The following CTU2 variants were observed in gnomAD, a reference collection of about 807,000 sequenced individuals.
CTU2 encodes cytosolic thiouridylase subunit 2.
CTU2 carries 80 observed loss-of-function variants against 64.1 expected under a neutral mutation model. The ratio of observed to expected loss-of-function variants is 1.25; its 90% CI spans 1.04 to 1.50. The LOEUF (loss-of-function observed/expected upper bound fraction) is 1.50, where lower values mean the gene tolerates loss of function less well. Ranked by LOEUF, CTU2 falls within the 40% of genes most tolerant of loss-of-function variation. The pLI is 0.00. For missense variants in CTU2, 1,110 were observed against 690.2 expected, an observed-to-expected ratio of 1.61 and a Z score of -6.81; for synonymous variants, 482 against 285.3, an observed-to-expected ratio of 1.69 and a Z score of -6.95.
intron 11 of CTU2, 27 bp downstream of exon 11, chr16:88,714,513 T>G: frequency 1.2e-6 from 2 of 1,612,408 alleles, no homozygotes; most frequent in Non-Finnish European, 1.7e-6. Flanking sequence ...CTTGGGGTGA[T>G]GCGGGGAGGG....
intron 8 of CTU2, 23 bp from the exon 9 acceptor site, chr16:88,713,624 C>T (rs1260691611): frequency 1.2e-6 from 2 of 1,607,462 alleles, no homozygotes; most frequent in Non-Finnish European, 1.7e-6. Flanking sequence ...TGACCTGGAC[C>T]ACACAGCCCC....
chr16:88,706,570 G>C lies in CTU2; in HGVS notation c.40G>C (p.Glu14Gln). Residue 14 changes from glutamate (E) to glutamine (Q), a missense_variant, in exon 1 of 15, where the codon GAG becomes CAG. Glu to Gln is a conservative substitution (Grantham distance 29, BLOSUM62 2). Coordinates refer to ENST00000453996, the MANE Select transcript of CTU2 (RefSeq NM_001012759.3). ...CGAGGACTACGGGGAGCCGGCGCCT[G>C]AGGAGCCGCCCCCGGCGCCGCGGCC... ...VGEDYGEPAP[E>Q]EPPPAPRPSR... is the part of the protein sequence containing the mutation. The C allele has an allele frequency of 6.2e-6, 9 of 1,457,270 alleles. No individual in the cohort carries two copies. Among genetic ancestry groups the C allele is most frequent in the Non-Finnish European group, 8.1e-6 (9 of 1,111,678 alleles). The allele number at this position is 1,457,270 out of a possible 1,614,324, so 90.3% of individuals were successfully genotyped here.
chr16:88,713,585 G>A (rs1415330494), intron 8 of CTU2, 62 bp from the exon 9 acceptor site: 4 of 1,581,558 alleles, frequency 2.5e-6, no homozygotes, highest in South Asian at 1.1e-5. Context: ...CTACCTGGCA[G>A]GGGAGGAGGG....
chr16:88,715,025 C>T, intron 13 of CTU2, 23 bp from the exon 14 acceptor site: 1 of 1,579,170 alleles, frequency 6.3e-7, no homozygotes, highest in South Asian at 1.1e-5. Flanking sequence ...TTCTTGGCCC[C>T]TCGACACCGG....
Position 88,710,124 on chromosome 16 carries a change from G to C in CTU2, c.223-99G>C. The C allele has an allele frequency of 1.9e-6, 3 of 1,578,756 alleles. No individual in the cohort carries two copies. In the East Asian group the frequency reaches 6.7e-5, roughly 35 times the overall value. On this transcript the variant is annotated intron_variant, in intron 3 of 14. Transcript: ENST00000453996. ...TGCTGCAGCCCGCCAGCTCCTCCTTGGCCTTTGAGGACAGACTCGATGTCC... is the reference window on the plus strand; with the variant it reads ...TGCTGCAGCCCGCCAGCTCCTCCTTCGCCTTTGAGGACAGACTCGATGTCC...
Position 88,711,619 on chromosome 16 carries a change from C to T in CTU2, c.283-16C>T, listed in dbSNP as rs549328054. 21 of 1,587,506 alleles carry T rather than the reference C, an allele frequency of 1.3e-5. No individual in the cohort carries two copies. The South Asian group carries it at 2.3e-4, about 17-fold the overall frequency. ...CTTATGGCTGGGGGCTGAGTCCCTG[C>T]TGCTTCTCCCTCTAGGGCCTGAGCC... On this transcript the variant is annotated splice_polypyrimidine_tract_variant and intron_variant, in intron 4 of 14. Coordinates refer to ENST00000453996, the MANE Select transcript of CTU2 (RefSeq NM_001012759.3).
chr16:88,714,102 G>T, intron 9 of CTU2, 34 bp from the exon 10 acceptor site: 1 of 1,602,652 alleles, frequency 6.2e-7, no homozygotes, highest in Non-Finnish European at 8.5e-7. Flanking sequence ...TGGCCTCTGG[G>T]CTTTCCCATA....
chr16:88,710,465 A>AGT (rs1911227895), intron 4 of CTU2, 183 bp downstream of exon 4: 2 of 610,752 alleles, frequency 3.3e-6, no homozygotes, highest in African/African-American at 3.7e-5. Context: ...CTGAGTCCAC[A>AGT]GTGTGTGTGT....
At chr16:88,707,506 C>T (rs1249389740) in intron 2 of CTU2, among the ~76,000 whole-genome samples, 2 of 151,944 alleles carry the variant, frequency 1.3e-5, no homozygotes, top group African/African-American at 4.8e-5. Context: ...TGTAGGAGGA[C>T]CAGGCGTTTG....
chr16:88,711,520 G>T, intron 4 of CTU2, 115 bp from the exon 5 acceptor site: 5 of 1,087,076 alleles, frequency 4.6e-6, no homozygotes, highest in Non-Finnish European at 6.6e-6. Context: ...AATGGCAGGG[G>T]AAGACCACTT....
At chr16:88,712,450 G>C in intron 6 of CTU2, 67 bp downstream of exon 6, 1 of 1,459,638 alleles carries the variant, frequency 6.9e-7, no homozygotes, top group East Asian at 2.4e-5. Context: ...CCGTGTCCCA[G>C]CCTCACTGGC....
At position 88,707,201 on chromosome 16, in the gene CTU2, C is replaced by A. The variant is rs758733121; in HGVS notation, c.134C>A (p.Ala45Asp). ...GTTGTGGTGATACGAGCCGGAGATG[C>A]CTTCTGCAGGTGAGGCCTGGAGGTG... ...QPVVVIRAGDAFCRDCFKAFY... is the reference protein window; with the variant it reads ...QPVVVIRAGDDFCRDCFKAFY... The change falls in exon 2 of 15, where the codon GCC (alanine) becomes GAC (aspartate). Residue 45 changes from alanine (A) to aspartate (D), a missense_variant. Ala to Asp is a moderately radical substitution (Grantham distance 126). Transcript: ENST00000453996. 1.2e-6 allele frequency: 2 copies of A among 1,613,938 alleles called. No homozygotes were observed. Among genetic ancestry groups the A allele is most frequent in the South Asian group, 1.1e-5 (1 of 91,092 alleles).
chr16:88,712,666 G>C lies in CTU2; in HGVS notation c.498G>C (p.Glu166Asp). Residue 166 changes from glutamate (E) to aspartate (D), a missense_variant, in exon 7 of 15, where the codon GAG (glutamate) becomes GAC (aspartate). Transcript: ENST00000453996. ...PPSVLWCSAQ[E>D]LVGSEGAYKA... is the part of the protein sequence containing the mutation. ...CGGTGCTTTGGTGCTCTGCCCAGGA[G>C]CTGGTGGGATCCGAGGGGGCCTACA... 6.2e-7 allele frequency: 1 copy of C among 1,610,662 alleles called. No homozygotes were observed. Among genetic ancestry groups the C allele is most frequent in the Non-Finnish European group, 8.5e-7 (1 of 1,179,572 alleles).
chr16:88,707,164 G>T lies in CTU2; in HGVS notation c.97G>T (p.Glu33Ter). The change falls in exon 2 of 15, where the codon GAA becomes TAA. Residue 33 changes from glutamate (E) to a stop codon, truncating the protein, a stop_gained. Coordinates refer to ENST00000453996, the MANE Select transcript of CTU2 (RefSeq NM_001012759.3). LOFTEE classifies it high-confidence loss of function. ...TGAGCAGAAGTGTGTGAAGTGCAAG[G>T]AAGCGCAGCCCGTTGTGGTGATACG... Reference protein sequence around the residue: ...SREQKCVKCKEAQPVVVIRAG... With the variant: ...SREQKCVKCK 6.2e-7 allele frequency: 1 copy of T among 1,613,978 alleles called. No homozygotes were observed. Among genetic ancestry groups the T allele is most frequent in the Non-Finnish European group, 8.5e-7 (1 of 1,179,982 alleles).
chr16:88,706,939 C>T (rs1235171826), intron 1 of CTU2, 197 bp from the exon 2 acceptor site: 1 of 595,570 alleles, frequency 1.7e-6, no homozygotes, highest in Non-Finnish European at 3.0e-6. Context: ...GCCGGCTTTT[C>T]TAGGCTAAAC....
Position 88,713,560 on chromosome 16 carries a change from G to C in CTU2, c.874-87G>C, listed in dbSNP as rs1911555797. On this transcript the variant is annotated intron_variant, in intron 8 of 14. Coordinates refer to ENST00000453996, the MANE Select transcript of CTU2 (RefSeq NM_001012759.3). Reference sequence around the variant, plus strand: ...GTCCTGCGGCCTCGGATGGTGGTGGGGTCTGTGACCTCCCCTACCTGGCAG... The same window carrying C: ...GTCCTGCGGCCTCGGATGGTGGTGGCGTCTGTGACCTCCCCTACCTGGCAG... 18 of 1,563,976 alleles carry C rather than the reference G, an allele frequency of 1.2e-5. No individual in the cohort carries two copies. In the South Asian group the frequency reaches 2.1e-4, roughly 18 times the overall value.
At chr16:88,713,274 C>T (rs1271923060) in intron 7 of CTU2, 38 bp from the exon 8 acceptor site, 2 of 1,555,076 alleles carry the variant, frequency 1.3e-6, no homozygotes, top group East Asian at 2.5e-5. Flanking sequence ...TCCCCGGGTC[C>T]TGCACCCCCC....
chr16:88,714,295 G>A, intron 10 of CTU2, 68 bp downstream of exon 10: 1 of 1,592,472 alleles, frequency 6.3e-7, no homozygotes, highest in Non-Finnish European at 8.6e-7. Context: ...TGTGCGGGTG[G>A]TGAGCTCACC....
At chr16:88,714,006 A>G in intron 9 of CTU2, 130 bp from the exon 10 acceptor site, 1 of 1,072,768 alleles carries the variant, frequency 9.3e-7, no homozygotes, top group Non-Finnish European at 1.4e-6. Flanking sequence ...GGCTGCCTTG[A>G]GCAGTCGCAG....
Sources: gnomAD v4.1 joint callset for allele counts (sites outside exome capture counted in the v4.1 genomes callset) on GRCh38, gnomAD v4.1.1 for gene constraint, MANE v1.5 for transcripts, NCBI Gene and HGNC (gene_info 2026-07-23, HGNC 2026-07-21) for gene names.